TSPAN11: variants seen among roughly 807,000 people sequenced by gnomAD.
The protein encoded by TSPAN11 is tetraspanin-11.
TSPAN11 carries 29 observed loss-of-function variants against 32.9 expected under a neutral mutation model. The ratio of observed to expected loss-of-function variants is 0.88; its 90% CI spans 0.66 to 1.20. The LOEUF is 1.20. Ranked by LOEUF, TSPAN11 falls within the 50% of genes most tolerant of loss-of-function variation. The pLI is 0.00. For synonymous variants in TSPAN11, 140 were observed against 141.3 expected, an observed-to-expected ratio of 0.99 and a Z score of 0.07; for missense variants, 283 against 329.1, an observed-to-expected ratio of 0.86 and a Z score of 1.08.
intron 1 of TSPAN11, among the ~76,000 whole-genome samples, chr12:30,940,133 A>G (rs1356885334): frequency 6.6e-5 from 10 of 152,344 alleles, no homozygotes; most frequent in African/African-American, 2.2e-4. Context: ...TGCATCCTGC[A>G]CGTTCCCACA....
intron 1 of TSPAN11, among the ~76,000 whole-genome samples, chr12:30,938,992 GGA>G: frequency 6.6e-6 from 1 of 152,052 alleles, no homozygotes; most frequent in African/African-American, 2.4e-5. Flanking sequence ...CAGCACTTTG[GGA>G]GGCTGAGGTG....
At position 30,978,953 on chromosome 12, in the gene TSPAN11, A is replaced by G. The variant is rs981950926; in HGVS notation, c.351+318A>G. On this transcript the variant is annotated intron_variant, in intron 4 of 7. Coordinates refer to ENST00000546076, the MANE Select transcript of TSPAN11 (RefSeq NM_001370302.1). ...CCATCTGTCAGAGACATCCAAGAAG[A>G]AAGGCCTGGGCCAGGGTCACATGCC... 8.7e-5 allele frequency: 32 copies of G among 369,506 alleles called. No homozygotes were observed. The East Asian group carries it at 1.4e-3, about 16-fold the overall frequency. 22.9% of individuals were successfully genotyped at this position (369,506 alleles called of 1,614,324 possible).
chr12:30,969,565 A>G (rs973925102), intron 3 of TSPAN11, among the ~76,000 whole-genome samples: 2 of 152,182 alleles, frequency 1.3e-5, no homozygotes, highest in African/African-American at 4.8e-5. Context: ...CAAGAGACTC[A>G]TAGGGTTTGT....
At chr12:30,976,926 G>A (rs537768827) in intron 3 of TSPAN11, among the ~76,000 whole-genome samples, 1 of 152,340 alleles carries the variant, frequency 6.6e-6, no homozygotes, top group Admixed American at 6.5e-5. Context: ...GAAGAGCCTG[G>A]GGTAGGAAAG....
the TSPAN11 span, among the ~76,000 whole-genome samples, chr12:31,013,854 A>G: frequency 2.0e-5 from 3 of 152,222 alleles, no homozygotes; most frequent in African/African-American, 7.2e-5. Context: ...CGCCAGGTAC[A>G]TGCAGCCACT....
the TSPAN11 span, among the ~76,000 whole-genome samples, chr12:31,005,554 G>C: frequency 6.6e-6 from 1 of 152,210 alleles, no homozygotes; most frequent in Non-Finnish European, 1.5e-5. Context: ...ACAGACGCAG[G>C]CATCCAGGTG....
intron 1 of TSPAN11, 126 bp downstream of exon 1, chr12:30,926,922 C>A (rs1937807277): frequency 7.8e-7 from 1 of 1,281,976 alleles, no homozygotes; most frequent in South Asian, 1.2e-5. Flanking sequence ...CCGAGCTTCC[C>A]CCGGGCGGGC....
At chr12:30,998,225 A>C (rs1444017413), downstream of TSPAN11, among the ~76,000 whole-genome samples, 1 of 152,232 alleles carries the variant, frequency 6.6e-6, no homozygotes, top group African/African-American at 2.4e-5. Context: ...ACACAGCCCC[A>C]ACAGCCAACA....
At chr12:30,999,810 G>A (rs182898050), downstream of TSPAN11, among the ~76,000 whole-genome samples, 285 of 152,148 alleles carry the variant, frequency 1.9e-3, no homozygotes, top group African/African-American at 6.6e-3. Context: ...CTAAGCAACA[G>A]GTACTAACCA....
At chr12:30,985,107 G>C (rs1051918326) in intron 7 of TSPAN11, among the ~76,000 whole-genome samples, 2 of 152,212 alleles carry the variant, frequency 1.3e-5, no homozygotes, top group South Asian at 4.2e-4. Context: ...GGCCTGGAAG[G>C]TCTAGCTGCA....
intron 1 of TSPAN11, among the ~76,000 whole-genome samples, chr12:30,931,155 A>G (rs566086847): frequency 1.3e-5 from 2 of 152,038 alleles, no homozygotes; most frequent in African/African-American, 4.8e-5. Context: ...TTTTTTTAAT[A>G]TGTACTTCGT....
At chr12:30,981,127 C>T (rs1023230131) in intron 5 of TSPAN11, among the ~76,000 whole-genome samples, 1 of 152,144 alleles carries the variant, frequency 6.6e-6, no homozygotes. Context: ...AAGGCTGTGT[C>T]ACTGACGAAG....
the TSPAN11 span, among the ~76,000 whole-genome samples, chr12:31,003,220 G>C: frequency 6.6e-6 from 1 of 152,254 alleles, no homozygotes; most frequent in African/African-American, 2.4e-5. Flanking sequence ...ACACAGAGGA[G>C]AGACACTTAG....
rs184336921 is a variant in TSPAN11 at position 30,985,296 on chromosome 12, T to C, written c.702+2146T>C. On this transcript the variant is annotated intron_variant, in intron 7 of 7. Coordinates refer to ENST00000546076, the MANE Select transcript of TSPAN11 (RefSeq NM_001370302.1). ...TGGTGGTGGGAATTAGCAATATCCATGTAAGTCACTTGGCTCATGGCTGAG... is the reference window on the plus strand; with the variant it reads ...TGGTGGTGGGAATTAGCAATATCCACGTAAGTCACTTGGCTCATGGCTGAG... Among the ~76,000 whole-genome samples the C allele has an allele frequency of 3.5e-4, 54 of 152,198 alleles. 1 individual carries two copies. The highest frequency in any genetic ancestry group is 1.3e-3 in the African/African-American group (54 of 41,540).
Position 30,975,742 on chromosome 12 carries a change from CCTGA to C in TSPAN11, c.277-2816_277-2813del, listed in dbSNP as rs1266339603. On this transcript the variant is annotated intron_variant, in intron 3 of 7. Coordinates refer to ENST00000546076, the MANE Select transcript of TSPAN11 (RefSeq NM_001370302.1). This position sits in a 1 kb window ranked among gnomAD's most constrained non-coding sequence, Gnocchi z 4.5. The stretch of plus-strand genomic sequence containing the variant: ...CAGCTATCCAGGAGTATCCTACGGG[CCTGA>C]CTCACAGCTCACAGTGGTGGTGGAG... Among the ~76,000 whole-genome samples the C allele has an allele frequency of 6.6e-6, 1 of 151,572 alleles. No homozygotes were observed. The highest frequency in any genetic ancestry group is 1.5e-5 in the Non-Finnish European group (1 of 67,950).
rs1006139836 is a variant in TSPAN11, at chr12:30,996,176, A to G, written c.*4261A>G. On this transcript the variant is annotated 3_prime_UTR_variant, in exon 8 of 8. Coordinates refer to ENST00000546076, the MANE Select transcript of TSPAN11 (RefSeq NM_001370302.1). ...TGGATCGCCTGTGATCTTGGCCAGG[A>G]GACCAGGTGCCTGGGTCCCTTCCTG... is the stretch of plus-strand genomic sequence containing the variant. The G allele has an allele frequency of 2.6e-5, 4 of 152,218 alleles. No homozygotes were observed. The highest frequency in any genetic ancestry group is 7.2e-5 in the African/African-American group (3 of 41,428). The allele number at this position is 152,218 out of a possible 1,614,324, so 9.4% of individuals were successfully genotyped here.
At chr12:31,004,790 C>A in the TSPAN11 span, among the ~76,000 whole-genome samples, 2 of 152,226 alleles carry the variant, frequency 1.3e-5, no homozygotes, top group African/African-American at 4.8e-5. Context: ...AAAAACCCAA[C>A]AACTGCTCCT....
At chr12:30,996,908 T>C (rs1212400278), downstream of TSPAN11, 1 of 152,258 alleles carries the variant, frequency 6.6e-6, no homozygotes, top group Non-Finnish European at 1.5e-5. Context: ...AGTCAGTCCA[T>C]GTTTTCCTAC....
At position 30,993,818 on chromosome 12, in the gene TSPAN11, T is replaced by G. The variant is rs1251946628; in HGVS notation, c.*1903T>G. On this transcript the variant is annotated 3_prime_UTR_variant, in exon 8 of 8. Transcript: ENST00000546076. ...TACTGGGCTAGAGCCATGTTCTTCCTGCCGAGGTGCCAGGGGGAGGCGGCA... is the reference window on the plus strand; with the variant it reads ...TACTGGGCTAGAGCCATGTTCTTCCGGCCGAGGTGCCAGGGGGAGGCGGCA... 1.3e-5 allele frequency: 2 copies of G among 152,354 alleles called. No individual in the cohort carries two copies. Among genetic ancestry groups the G allele is most frequent in the Non-Finnish European group, 2.9e-5 (2 of 68,122 alleles). 9.4% of individuals were successfully genotyped at this position (152,354 alleles called of 1,614,324 possible).
Sources: allele counts gnomAD v4.1 joint callset (sites outside exome capture counted in the v4.1 genomes callset), GRCh38; gene constraint gnomAD v4.1.1; non-coding constraint Gnocchi (gnomAD v3.1); transcripts MANE v1.5; gene names NCBI Gene and HGNC (gene_info 2026-07-23, HGNC 2026-07-21).